Variants in NEB observed in about 807,000 individuals in gnomAD.
NEB encodes the protein nebulin.
NEB carries 512 observed loss-of-function variants against 952.2 expected under a neutral mutation model. That is an observed-to-expected ratio of 0.54 (90% CI 0.50 to 0.58). The LOEUF (loss-of-function observed/expected upper bound fraction) is 0.58. NEB is among the 20% of genes least tolerant of loss of function. The pLI is 0.00. For missense variants in NEB, 8,428 were observed against 9,231.1 expected, an observed-to-expected ratio of 0.91 and a Z score of 3.56; for synonymous variants, 2,900 against 3,149.8, an observed-to-expected ratio of 0.92 and a Z score of 2.66.
chr2:151,514,889 T>C lies in NEB; in HGVS notation c.22945A>G (p.Arg7649Gly). ...RKDYEESIKG[R>G]NLTGLEVTPA... Reference sequence around the variant, plus strand: ...GTGACCTCCAGGCCAGTCAGGTTTCTGCCTTTAATGGACTCTTCATAATCT... The same window carrying C: ...GTGACCTCCAGGCCAGTCAGGTTTCCGCCTTTAATGGACTCTTCATAATCT... Residue 7649 changes from arginine (R) to glycine (G), a missense_variant, in exon 158 of 182, where the codon AGA (arginine) becomes GGA (glycine). Coordinates refer to ENST00000397345, the MANE Select transcript of NEB (RefSeq NM_001164508.2). The C allele has an allele frequency of 6.3e-7, 1 of 1,585,672 alleles. No homozygotes were observed. The highest frequency in any genetic ancestry group is 8.6e-7 in the Non-Finnish European group (1 of 1,164,192).
At chr2:151,697,103 T>C (rs369409568) in intron 16 of NEB, 45 bp downstream of exon 16, 3 of 1,408,872 alleles carry the variant, frequency 2.1e-6, no homozygotes, top group African/African-American at 2.9e-5. Context: ...GACCACTAGA[T>C]GCTATGGAAG....
intron 60 of NEB, 134 bp downstream of exon 60, chr2:151,642,440 A>T: frequency 2.7e-6 from 2 of 733,450 alleles, no homozygotes; most frequent in Non-Finnish European, 4.3e-6. Flanking sequence ...CCATTATTTT[A>T]AACCATTCAT....
intron 78 of NEB, 61 bp downstream of exon 78, chr2:151,612,124 AC>A: frequency 6.5e-7 from 1 of 1,543,130 alleles, no homozygotes; most frequent in South Asian, 1.1e-5. Context: ...GGAATTTCCT[AC>A]TTTATGAGCC....
chr2:151,688,508 T>C (rs1276419027), intron 24 of NEB, 112 bp from the exon 25 acceptor site: 11 of 770,980 alleles, frequency 1.4e-5, no homozygotes, highest in Non-Finnish European at 8.9e-6. Flanking sequence ...CTCAAAGAGA[T>C]ACTCAATTCA....
At chr2:151,584,040 C>T (rs1158370500) in intron 100 of NEB, among the ~76,000 whole-genome samples, 3 of 79,834 alleles carry the variant, frequency 3.8e-5, no homozygotes, top group Non-Finnish European at 7.5e-5. Flanking sequence ...TACTCTATGC[C>T]GGACACTATT....
rs2098651541 is a variant in NEB at position 151,630,779 on chromosome 2, A to C, written c.9659T>G (p.Ile3220Ser). Residue 3220 changes from isoleucine (I) to serine (S), a missense_variant, in exon 67 of 182, where the codon ATT becomes AGT. By Grantham distance (142) the Ile-to-Ser change is moderately radical (BLOSUM62 -2). Coordinates refer to ENST00000397345, the MANE Select transcript of NEB (RefSeq NM_001164508.2). ...CTCTGGTGTATCAGGCATTATGTGA[A>C]TTTGAGTCTTGTCTTTGTCCCAGGC... ...TEAWDKDKTQIHIMPDTPEIM... is the reference protein window; with the variant it reads ...TEAWDKDKTQSHIMPDTPEIM... The C allele has an allele frequency of 1.2e-6, 2 of 1,611,830 alleles. No individual in the cohort carries two copies. Among genetic ancestry groups the C allele is most frequent in the Non-Finnish European group, 1.7e-6 (2 of 1,178,844 alleles).
At chr2:151,617,337 T>C (rs1267509966) in intron 75 of NEB, 27 bp downstream of exon 75, 1 of 1,482,932 alleles carries the variant, frequency 6.7e-7, no homozygotes, top group African/African-American at 1.4e-5. Flanking sequence ...GCCTTTCTGT[T>C]CATTACAAGA....
chr2:151,654,213 A>G, intron 51 of NEB, 114 bp from the exon 52 acceptor site: 1 of 520,496 alleles, frequency 1.9e-6, no homozygotes. Context: ...CATCTACCCT[A>G]TCTTTAAAGA....
At position 151,607,571 on chromosome 2, in the gene NEB, T is replaced by C. The variant is rs2097759460; in HGVS notation, c.12572A>G (p.Asn4191Ser). The stretch of plus-strand genomic sequence containing the variant: ...CGGAGTATCAGAAGGAATGGTGATG[T>C]TGCTTTTATCTTTATTCCAGGCTTC... ...YQEAWNKDKSNITIPSDTPEM... is the reference protein window; with the variant it reads ...YQEAWNKDKSSITIPSDTPEM... The change falls in exon 83 of 182, where the codon AAC becomes AGC. Residue 4191 changes from asparagine (N) to serine (S), a missense_variant. Asn to Ser is a conservative substitution (Grantham distance 46). This residue lies in a region of NEB where 14 missense variants were observed against 46.4 expected (regional missense o/e 0.30). Coordinates refer to ENST00000397345, the MANE Select transcript of NEB (RefSeq NM_001164508.2). 1.4e-6 allele frequency: 1 copy of C among 700,356 alleles called. No homozygotes were observed. The highest frequency in any genetic ancestry group is 1.7e-5 in the African/African-American group (1 of 58,694). 43.4% of individuals were successfully genotyped at this position (700,356 alleles called of 1,614,324 possible).
Position 151,659,073 on chromosome 2 carries a change from TATTAATTGC to T in NEB, c.6058_6066del (p.Ala2020_Asn2022del). The T allele has an allele frequency of 6.3e-7, 1 of 1,598,920 alleles. No homozygotes were observed. The highest frequency in any genetic ancestry group is 8.6e-7 in the Non-Finnish European group (1 of 1,166,290). ...GGGGGAACTATACTTACATCACTCA[TATTAATTGC>T]ATTTGCCTTTGCCAAAATAATCTGG... On this transcript the variant is annotated inframe_deletion, in exon 47 of 182. Coordinates refer to ENST00000397345, the MANE Select transcript of NEB (RefSeq NM_001164508.2).
chr2:151,655,047 T>C (rs915466676), intron 51 of NEB, among the ~76,000 whole-genome samples: 1 of 152,114 alleles, frequency 6.6e-6, no homozygotes, highest in Admixed American at 6.6e-5. Context: ...TCAAGCACAA[T>C]GAACACAGAG....
intron 73 of NEB, 133 bp downstream of exon 73, chr2:151,619,318 A>T: frequency 9.8e-7 from 1 of 1,025,564 alleles, no homozygotes; most frequent in Non-Finnish European, 1.4e-6. Flanking sequence ...CCAATGGGAA[A>T]CTCCTTTCAG....
chr2:151,685,459 G>GT (rs1398759596), intron 27 of NEB, among the ~76,000 whole-genome samples: 1 of 152,118 alleles, frequency 6.6e-6, no homozygotes, highest in Non-Finnish European at 1.5e-5. Flanking sequence ...TAGTCAACTG[G>GT]TTTTTTAACC....
chr2:151,722,629 G>C (rs1037472713), intron 9 of NEB, among the ~76,000 whole-genome samples: 2 of 151,970 alleles, frequency 1.3e-5, no homozygotes, highest in African/African-American at 4.8e-5. Context: ...CTGCAGCCTC[G>C]ACCTCCTGGG....
intron 143 of NEB, 39 bp from the exon 144 acceptor site, chr2:151,531,935 T>C (rs2091329003): frequency 7.5e-7 from 1 of 1,341,450 alleles, no homozygotes; most frequent in Non-Finnish European, 1.1e-6. Flanking sequence ...TAAGAAGTTG[T>C]AGAGTGGGCT....
At chr2:151,562,356 T>C in intron 120 of NEB, 142 bp from the exon 121 acceptor site, 1 of 787,242 alleles carries the variant, frequency 1.3e-6, no homozygotes, top group African/African-American at 1.7e-5. Flanking sequence ...AGGTCTTTAA[T>C]TCCCAAGCCT....
chr2:151,672,471 G>A lies in NEB; in HGVS notation c.4197C>T (p.Val1399=), dbSNP rs771328367. ...SITAAKMAQD[V]ATNVNYKQPL... ...GCTGTTTGTAGTTGACATTGGTAGC[G>A]ACATCCTGGGCCATCTTTGCAGCTG... Residue 1399 remains valine, a synonymous_variant, in exon 37 of 182, where the codon GTC becomes GTT. Transcript: ENST00000397345. 28 of 1,613,836 alleles carry A rather than the reference G, an allele frequency of 1.7e-5. No individual in the cohort carries two copies. In the South Asian group the frequency reaches 1.9e-4, roughly 11 times the overall value.
chr2:151,490,225 T>C (rs2055189918), intron 180 of NEB, 147 bp downstream of exon 180: 1 of 1,183,246 alleles, frequency 8.5e-7, no homozygotes, highest in Non-Finnish European at 1.2e-6. Context: ...TCTAACTTCA[T>C]GCAGCCCTCC....
At chr2:151,637,451 A>T (rs2098782954) in intron 63 of NEB, among the ~76,000 whole-genome samples, 1 of 152,234 alleles carries the variant, frequency 6.6e-6, no homozygotes, top group African/African-American at 2.4e-5. Flanking sequence ...CCTCATTCTA[A>T]GAAGTTGGTG....
Sources: allele counts gnomAD v4.1 joint callset (sites outside exome capture counted in the v4.1 genomes callset), GRCh38; gene constraint gnomAD v4.1.1; regional missense constraint gnomAD v4.1.1; transcripts MANE v1.5; gene names NCBI Gene and HGNC (gene_info 2026-07-23, HGNC 2026-07-21).